Variants in TBC1D16 observed in about 807,000 individuals in gnomAD.
The protein encoded by TBC1D16 is TBC1 domain family member 16.
TBC1D16 carries 58 observed loss-of-function variants against 74.7 expected under a neutral mutation model. The ratio of observed to expected loss-of-function variants is 0.78; its 90% confidence interval spans 0.63 to 0.97. The LOEUF (loss-of-function observed/expected upper bound fraction) is 0.97, where lower values mean the gene tolerates loss of function less well. Among genes scored for constraint, TBC1D16 ranks in the 50% least tolerant of loss-of-function variants. The pLI, the probability that TBC1D16 is intolerant of heterozygous loss-of-function variation, is 0.00. For synonymous variants in TBC1D16, 493 were observed against 474.7 expected (o/e 1.04, Z -0.50); for missense variants, 1,014 against 1,079.5 (o/e 0.94, Z 0.85).
chr17:80,020,743 T>C (rs1248379243), intron 1 of TBC1D16, among the ~76,000 whole-genome samples: 4 of 150,168 alleles, frequency 2.7e-5, no homozygotes, highest in Non-Finnish European at 4.4e-5. Context: ...CCTCATTATT[T>C]CCAGGATTAC....
chr17:79,990,840 A>AT lies in TBC1D16; in HGVS notation c.779+19319dup, dbSNP rs1281056517. On this transcript the variant is annotated intron_variant, in intron 3 of 11. Transcript: ENST00000310924. The surrounding 1 kb of genome is among the most constrained non-coding windows in gnomAD (Gnocchi z 4.8). The stretch of plus-strand genomic sequence containing the variant: ...GTCGCACACAAGTGGAATCACACAG[A>AT]TTTGGCCCCTTATGTCTGGCTCATT... Among the ~76,000 whole-genome samples the AT allele has an allele frequency of 1.3e-5, 2 of 152,082 alleles. No homozygotes were observed. Among genetic ancestry groups the AT allele is most frequent in the Non-Finnish European group, 2.9e-5 (2 of 68,020 alleles).
At position 79,937,946 on chromosome 17, in the gene TBC1D16, A is replaced by G. The variant is rs992338923; in HGVS notation, c.*2913T>C. 6.6e-6 allele frequency: 1 copy of G among 152,246 alleles called. No homozygotes were observed. The highest frequency in any genetic ancestry group is 2.4e-5 in the African/African-American group (1 of 41,470). The allele number at this position is 152,246 out of a possible 1,614,324, so 9.4% of individuals were successfully genotyped here. A position where few individuals can be genotyped will look rare whatever the true frequency, so the allele number is the denominator to read the frequency against. The stretch of plus-strand genomic sequence containing the variant: ...AACTTTTAAGTATGCGCACACACGT[A>G]CGCCAGCCAATAACATTAAGTGTCA... On this transcript the variant is annotated 3_prime_UTR_variant, in exon 12 of 12. Transcript: ENST00000310924.
At chr17:79,997,899 T>G (rs1377249546) in intron 3 of TBC1D16, among the ~76,000 whole-genome samples, 2 of 151,552 alleles carry the variant, frequency 1.3e-5, no homozygotes, top group East Asian at 1.9e-4. Context: ...CCAAGGAGGG[T>G]GCATCACCTG....
intron 1 of TBC1D16, among the ~76,000 whole-genome samples, chr17:80,032,542 T>C (rs1025131816): frequency 3.9e-5 from 6 of 152,114 alleles, no homozygotes; most frequent in African/African-American, 1.4e-4. Context: ...AGCAGATTTA[T>C]TAGAGATGCA....
At chr17:79,943,550 C>T (rs1413865741) in intron 10 of TBC1D16, among the ~76,000 whole-genome samples, 2 of 151,944 alleles carry the variant, frequency 1.3e-5, no homozygotes, top group Non-Finnish European at 2.9e-5. Context: ...TCACTCTCAG[C>T]TCATCAGCAG....
intron 3 of TBC1D16, among the ~76,000 whole-genome samples, chr17:79,989,932 G>A (rs141065842): frequency 9.8e-4 from 149 of 152,212 alleles, no homozygotes; most frequent in African/African-American, 3.3e-3. Context: ...GGGTGGCTGG[G>A]GTGTTGCTGC....
chr17:79,952,321 A>T, intron 4 of TBC1D16: 1 of 231,422 alleles, frequency 4.3e-6, no homozygotes, highest in East Asian at 8.7e-5. Context: ...GCCGAGCTCC[A>T]GAGCATCCCC....
intron 1 of TBC1D16, among the ~76,000 whole-genome samples, chr17:80,015,881 T>A (rs1313196807): frequency 6.6e-6 from 1 of 151,858 alleles, no homozygotes; most frequent in Non-Finnish European, 1.5e-5. Flanking sequence ...TGTGGTGGCA[T>A]GTGCCTGTAG....
intron 1 of TBC1D16, among the ~76,000 whole-genome samples, chr17:80,014,352 G>A (rs2144696302): frequency 6.6e-6 from 1 of 151,702 alleles, no homozygotes; most frequent in Non-Finnish European, 1.5e-5. Flanking sequence ...GCGAGACTCT[G>A]TCTCAAAAAA....
chr17:79,959,107 C>A (rs775569910), intron 3 of TBC1D16, among the ~76,000 whole-genome samples: 29 of 152,054 alleles, frequency 1.9e-4, no homozygotes, highest in Non-Finnish European at 3.8e-4. Context: ...TAACAATGCA[C>A]AATTGGAACA....
chr17:80,006,024 G>A (rs754310602), intron 3 of TBC1D16, among the ~76,000 whole-genome samples: 3 of 152,090 alleles, frequency 2.0e-5, no homozygotes, highest in South Asian at 2.1e-4. Context: ...TCTGCCCTCC[G>A]GGGGGACTCA....
rs867171510 is a variant in TBC1D16, at chr17:80,001,232, G to A, written c.779+8928C>T. 7.2e-5 allele frequency among the ~76,000 whole-genome samples: 11 copies of A among 152,330 alleles called. No individual in the cohort carries two copies. Among genetic ancestry groups the A allele is most frequent in the Admixed American group, 1.3e-4 (2 of 15,300 alleles). ...CATCGGCCACTCTCTGGGTGCAGGC[G>A]GAGCAGCTGGTGGTGGCCACCTTGG... On this transcript the variant is annotated intron_variant, in intron 3 of 11. Transcript: ENST00000310924. The surrounding 1 kb of genome is among the most constrained non-coding windows in gnomAD (Gnocchi z 5.8).
intron 1 of TBC1D16, among the ~76,000 whole-genome samples, chr17:80,013,918 G>A (rs939577856): frequency 6.6e-6 from 1 of 152,112 alleles, no homozygotes; most frequent in Admixed American, 6.5e-5. Context: ...CTCCCAAGGA[G>A]AACCACTAAG....
rs1412271607 is a variant in TBC1D16 at position 79,990,957 on chromosome 17, A to C, written c.779+19203T>G. On this transcript the variant is annotated intron_variant, in intron 3 of 11. Coordinates refer to ENST00000310924, the MANE Select transcript of TBC1D16 (RefSeq NM_019020.4). The surrounding 1 kb of genome is among the most constrained non-coding windows in gnomAD (Gnocchi z 4.8). ...GAACGTTCCGCTGGGTGTGTGTGGA[A>C]CATGTGTGTGAACACACCGCGTTTC... Among the ~76,000 whole-genome samples, 1 of 152,196 alleles carries C rather than the reference A, an allele frequency of 6.6e-6. No homozygotes were observed. The highest frequency in any genetic ancestry group is 2.4e-5 in the African/African-American group (1 of 41,444).
rs571839769 is a variant in TBC1D16, at chr17:79,944,039, G to A, written c.1908+869C>T. ...CCGGGCCAGGGGCGAGCCGATGACCGCATGCAAAGGCGGCGTGTGGTACCG... is the reference window on the plus strand; with the variant it reads ...CCGGGCCAGGGGCGAGCCGATGACCACATGCAAAGGCGGCGTGTGGTACCG... On this transcript the variant is annotated intron_variant, in intron 10 of 11. Coordinates refer to ENST00000310924, the MANE Select transcript of TBC1D16 (RefSeq NM_019020.4). The surrounding 1 kb of genome is among the most constrained non-coding windows in gnomAD (Gnocchi z 7.7). 14 of 1,535,698 alleles carry A rather than the reference G, an allele frequency of 9.1e-6. No individual in the cohort carries two copies. The highest frequency in any genetic ancestry group is 4.9e-5 in the East Asian group (2 of 40,900).
At chr17:80,032,256 T>C (rs1266842000) in intron 1 of TBC1D16, among the ~76,000 whole-genome samples, 6 of 152,050 alleles carry the variant, frequency 3.9e-5, no homozygotes, top group South Asian at 4.2e-4. Flanking sequence ...CTGCAGCCCA[T>C]ACAGGCAAGC....
chr17:80,035,703 C>G lies in TBC1D16; in HGVS notation c.-63+92G>C, dbSNP rs936308668. 6.8e-6 allele frequency: 1 copy of G among 148,094 alleles called. No homozygotes were observed. Among genetic ancestry groups the G allele is most frequent in the African/African-American group, 2.4e-5 (1 of 41,042 alleles). The allele number at this position is 148,094 out of a possible 1,614,324, so 9.2% of individuals were successfully genotyped here. On this transcript the variant is annotated intron_variant, in intron 1 of 11. Transcript: ENST00000310924. The surrounding 1 kb of genome is among the most constrained non-coding windows in gnomAD (Gnocchi z 5.3). ...ACGCGCCCCACGCGCCCCGCGCGCC[C>G]CCGCCCCAGCTCCGCCGAGGGGGCG...
chr17:79,945,164 G>T, intron 9 of TBC1D16, 77 bp from the exon 10 acceptor site: 1 of 1,454,312 alleles, frequency 6.9e-7, no homozygotes, highest in Non-Finnish European at 9.2e-7. Context: ...CTCCCACTGG[G>T]GCCCTTCCCT....
At position 80,009,763 on chromosome 17, in the gene TBC1D16, C is replaced by T. The variant is rs1450258237; in HGVS notation, c.779+397G>A. On this transcript the variant is annotated intron_variant, in intron 3 of 11. Coordinates refer to ENST00000310924, the MANE Select transcript of TBC1D16 (RefSeq NM_019020.4). The surrounding 1 kb of genome is among the most constrained non-coding windows in gnomAD (Gnocchi z 5.4). ...TGTGCGTGAGCCTAATGATGCCACC[C>T]GGGCCTCTTGGGCACTCGCTTGGGG... 4.6e-5 allele frequency among the ~76,000 whole-genome samples: 7 copies of T among 152,284 alleles called. 1 individual carries two copies. In the East Asian group the frequency reaches 7.7e-4, roughly 17 times the overall value.
Sources: gnomAD v4.1 joint callset for allele counts (sites outside exome capture counted in the v4.1 genomes callset) on GRCh38, gnomAD v4.1.1 for gene constraint, Gnocchi (gnomAD v3.1) non-coding constraint, MANE v1.5 for transcripts, NCBI Gene and HGNC (gene_info 2026-07-23, HGNC 2026-07-21) for gene names.